CETN2: variants seen among roughly 807,000 people sequenced by gnomAD.
CETN2 encodes the protein centrin-2.
A neutral mutation model predicts 12.6 loss-of-function variants in CETN2; 2 were observed. That is an observed-to-expected ratio of 0.16 (90% CI 0.07 to 0.50). The LOEUF (loss-of-function observed/expected upper bound fraction) is 0.50, where lower values mean the gene tolerates loss of function less well. Among genes scored for constraint, CETN2 ranks in the 20% least tolerant of loss-of-function variants. CETN2 has a pLI of 0.96. For missense variants in CETN2, 81 were observed against 128.3 expected (o/e 0.63, Z 1.78); for synonymous variants, 41 against 43.4 (o/e 0.94, Z 0.22).
chrX:152,828,410 G>T, intron 4 of CETN2, 127 bp downstream of exon 4: 1 of 743,962 alleles, frequency 1.3e-6, no homozygotes, highest in Non-Finnish European at 2.0e-6. Flanking sequence ...GAATTAAGTT[G>T]TCTGCAGAGG....
In CETN2 at chrX:152,828,662, T is replaced by C; in HGVS notation, c.304A>G (p.Thr102Ala). 1 of 1,209,252 alleles carries C rather than the reference T, an allele frequency of 8.3e-7. No homozygotes were observed. The highest frequency in any genetic ancestry group is 2.2e-5 in the Admixed American group (1 of 45,775). ...AAAGCTTTCAGGATTTCTTCTTTAG[T>C]ATCTTTCTCAGACTTAACAAGTAGA... ...VMTQKMSEKD[T>A]KEEILKAFKL... Residue 102 changes from threonine to alanine, a missense_variant, in exon 4 of 5, where the codon ACT (threonine) becomes GCT (alanine). Physicochemically the swap from Thr to Ala is moderately conservative, Grantham distance 58 (BLOSUM62 0). Transcript: ENST00000370277.
rs377022452 is a variant in CETN2 at position 152,830,735 on chromosome X, G to A, written c.-25C>T. The A allele has an allele frequency of 1.7e-6, 2 of 1,165,478 alleles. No homozygotes were observed. Among genetic ancestry groups the A allele is most frequent in the African/African-American group, 1.8e-5 (1 of 56,069 alleles). On this transcript the variant is annotated 5_prime_UTR_variant, in exon 1 of 5. Transcript: ENST00000370277. ...TAGCCAAAGGAGTCCGCTGCCGGTT[G>A]TTAGGCAACCGACGTGTACACTGAC...
At position 152,829,720 on chromosome X, in the gene CETN2, T is replaced by G; in HGVS notation, c.44A>C (p.Gln15Pro). Residue 15 changes from glutamine (Q) to proline (P), a missense_variant, in exon 2 of 5, where the codon CAG (glutamine) becomes CCG (proline). Coordinates refer to ENST00000370277, the MANE Select transcript of CETN2 (RefSeq NM_004344.3). ...FKKANMASSS[Q>P]RKRMSPKPEL... is the part of the protein sequence containing the mutation. The stretch of plus-strand genomic sequence containing the variant: ...AGGCTTAGGGCTCATTCTTTTTCGC[T>G]GAGAACTTGATGCCATGTTTGCCTT... 1 of 1,205,039 alleles carries G rather than the reference T, an allele frequency of 8.3e-7. No homozygotes were observed. The highest frequency in any genetic ancestry group is 1.1e-6 in the Non-Finnish European group (1 of 890,863).
chrX:152,827,587 T>G lies in CETN2; in HGVS notation c.*254A>C. On this transcript the variant is annotated 3_prime_UTR_variant, in exon 5 of 5. Transcript: ENST00000370277. ...GGCAAAATGGCAGGTGCTCAAAGCT[T>G]TAAGATCCTTTTCTTCACGCTTGTG... The G allele has an allele frequency of 3.4e-6, 1 of 291,346 alleles. No individual in the cohort carries two copies. Among genetic ancestry groups the G allele is most frequent in the Non-Finnish European group, 6.1e-6 (1 of 164,223 alleles). 24.0% of individuals were successfully genotyped at this position (291,346 alleles called of 1,213,427 possible). A position where few individuals can be genotyped will look rare whatever the true frequency, so the allele number is the denominator to read the frequency against.
intron 2 of CETN2, 58 bp downstream of exon 2, chrX:152,829,544 T>C (rs1293687959): frequency 2.7e-6 from 3 of 1,123,190 alleles, no homozygotes; most frequent in Non-Finnish European, 3.6e-6. Context: ...GATAGGGAGA[T>C]GACAAGGAAG....
In CETN2 at chrX:152,827,934, T is replaced by A; in HGVS notation, c.430-4A>T. ...GATCAGCTTCATCAATCATTTCCTA[T>A]ATGACAGTAAAGATTCAGGTTAATT... On this transcript the variant is annotated splice_region_variant and splice_polypyrimidine_tract_variant and intron_variant, in intron 4 of 4. Transcript: ENST00000370277. 8.4e-7 allele frequency: 1 copy of A among 1,193,505 alleles called. No individual in the cohort carries two copies. The highest frequency in any genetic ancestry group is 1.1e-6 in the Non-Finnish European group (1 of 880,563).
At chrX:152,829,867 C>A in intron 1 of CETN2, 107 bp from the exon 2 acceptor site, 1 of 623,951 alleles carries the variant, frequency 1.6e-6, no homozygotes, top group Non-Finnish European at 2.3e-6. Context: ...TTTATATAAC[C>A]AATTCCAAAG....
chrX:152,829,272 T>C lies in CETN2; in HGVS notation c.168A>G (p.Ala56=), dbSNP rs1932979201. Residue 56 remains alanine (A), a synonymous_variant, in exon 3 of 5, where the codon GCA becomes GCG. Transcript: ENST00000370277. ...TGGGTTCAAAGCCCAGGGCCCTCAT[T>C]GCCACCTATAAAGAAAACAGGATCG... The part of the protein sequence containing the change: ...GTIDVKELKV[A]MRALGFEPKK... 8.4e-7 allele frequency: 1 copy of C among 1,183,736 alleles called. No individual in the cohort carries two copies. The highest frequency in any genetic ancestry group is 2.5e-5 in the Admixed American group (1 of 40,121).
intron 1 of CETN2, 150 bp from the exon 2 acceptor site, chrX:152,829,910 T>G: frequency 9.8e-6 from 4 of 410,231 alleles, no homozygotes; most frequent in Non-Finnish European, 1.5e-5. Context: ...CAGGGTTTAC[T>G]GGCAAGAACA....
rs1226618906 is a variant in CETN2, at chrX:152,827,288, A to G, written c.*553T>C. On this transcript the variant is annotated 3_prime_UTR_variant, in exon 5 of 5. Transcript: ENST00000370277. ...ACACAATAATTGAGAAGAGGAACTC[A>G]TAAGCAAAGCTAAAGAACTCATCCT... 4.4e-5 allele frequency: 5 copies of G among 113,151 alleles called. No individual in the cohort carries two copies. The highest frequency in any genetic ancestry group is 1.6e-4 in the African/African-American group (5 of 31,146). 9.3% of individuals were successfully genotyped at this position (113,151 alleles called of 1,213,427 possible). A position where few individuals can be genotyped will look rare whatever the true frequency, so the allele number is the denominator to read the frequency against.
At position 152,829,001 on chromosome X, in the gene CETN2, C is replaced by T. The variant is rs782617199; in HGVS notation, c.291+148G>A. 324 of 658,356 alleles carry T rather than the reference C, an allele frequency of 4.9e-4. 1 individual carries two copies. The highest frequency in any genetic ancestry group is 7.1e-4 in the Non-Finnish European group (309 of 433,407). The allele number at this position is 658,356 out of a possible 1,213,427, so 54.3% of individuals were successfully genotyped here. On this transcript the variant is annotated intron_variant, in intron 3 of 4. Transcript: ENST00000370277. ...AAGCACAAGGGCTTGTTTTGGGAGC[C>T]CAAAGTAACATGATGGGAGGGCAGG...
chrX:152,830,312 T>TA (rs1464065768), intron 1 of CETN2, among the ~76,000 whole-genome samples: 1 of 113,669 alleles, frequency 8.8e-6, no homozygotes, highest in Non-Finnish European at 1.9e-5. Context: ...ATTTAAATTG[T>TA]AAAAAACATT....
At chrX:152,829,305 A>G in intron 2 of CETN2, 28 bp from the exon 3 acceptor site, 1 of 1,162,364 alleles carries the variant, frequency 8.6e-7, no homozygotes, top group Non-Finnish European at 1.1e-6. Context: ...TCGTCTCAAT[A>G]AGCACATCTA....
rs150501066 is a variant in CETN2 at position 152,827,458 on chromosome X, G to A, written c.*383C>T. On this transcript the variant is annotated 3_prime_UTR_variant, in exon 5 of 5. Coordinates refer to ENST00000370277, the MANE Select transcript of CETN2 (RefSeq NM_004344.3). ...CAAGTGTCAAATAAAAACTGGAGCC[G>A]TCAAGAATGACTGCTTGTGGCAACA... 510 of 132,870 alleles carry A rather than the reference G, an allele frequency of 3.8e-3. 4 individuals are homozygous for A. The highest frequency in any genetic ancestry group is 0.015 in the African/African-American group (484 of 31,992). The allele number at this position is 132,870 out of a possible 1,213,427, so 10.9% of individuals were successfully genotyped here. A position where few individuals can be genotyped will look rare whatever the true frequency, so the allele number is the denominator to read the frequency against.
chrX:152,830,751 G>A lies in CETN2; in HGVS notation c.-41C>T. On this transcript the variant is annotated 5_prime_UTR_variant, in exon 1 of 5. Coordinates refer to ENST00000370277, the MANE Select transcript of CETN2 (RefSeq NM_004344.3). ...CTGCCGGTTGTTAGGCAACCGACGT[G>A]TACACTGACTCGGCGCCGTTCCCAC... is the stretch of plus-strand genomic sequence containing the variant. The A allele has an allele frequency of 2.6e-6, 3 of 1,149,044 alleles. No homozygotes were observed. Among genetic ancestry groups the A allele is most frequent in the African/African-American group, 1.8e-5 (1 of 55,638 alleles). The allele number at this position is 1,149,044 out of a possible 1,213,427, so 94.7% of individuals were successfully genotyped here.
Position 152,827,035 on chromosome X carries a change from C to T in CETN2, c.*806G>A, listed in dbSNP as rs1299040223. The T allele has an allele frequency of 1.8e-5, 2 of 112,070 alleles. No individual in the cohort carries two copies. The highest frequency in any genetic ancestry group is 6.5e-5 in the African/African-American group (2 of 30,760). 9.2% of individuals were successfully genotyped at this position (112,070 alleles called of 1,213,427 possible). A position where few individuals can be genotyped will look rare whatever the true frequency, so the allele number is the denominator to read the frequency against. The stretch of plus-strand genomic sequence containing the variant: ...TAGTGTTGCGTTAGCCTGGCTCTCC[C>T]CATTTTATTCAAGCACAAATTACTA... On this transcript the variant is annotated 3_prime_UTR_variant, in exon 5 of 5. Coordinates refer to ENST00000370277, the MANE Select transcript of CETN2 (RefSeq NM_004344.3).
chrX:152,828,842 C>T, intron 3 of CETN2, 168 bp from the exon 4 acceptor site: 1 of 504,159 alleles, frequency 2.0e-6, no homozygotes, highest in Non-Finnish European at 3.2e-6. Flanking sequence ...CTCAAAGAAA[C>T]ACCAGGCAAG....
In CETN2 at chrX:152,830,422, G is replaced by A. The variant is rs111591683; in HGVS notation, c.3+286C>T. Among the ~76,000 whole-genome samples the A allele has an allele frequency of 1.7e-3, 187 of 113,329 alleles. 1 individual carries two copies. Among genetic ancestry groups the A allele is most frequent in the Non-Finnish European group, 2.4e-3 (130 of 53,389 alleles). On this transcript the variant is annotated intron_variant, in intron 1 of 4. Coordinates refer to ENST00000370277, the MANE Select transcript of CETN2 (RefSeq NM_004344.3). ...GTCTGAGAGAGTCAGGGGCCTGTGA[G>A]GGATTCGAGTCTTTTTTGCCCAGGG...
rs1556842964 is a variant in CETN2, at chrX:152,828,691, T to C, written c.292-17A>G. 2 of 1,200,155 alleles carry C rather than the reference T, an allele frequency of 1.7e-6. No homozygotes were observed. The highest frequency in any genetic ancestry group is 1.8e-5 in the South Asian group (1 of 55,334). ...TTTCTCAGACTTAACAAGTAGAACA[T>C]AAAACACATGAGTAGGGGGACACCA... On this transcript the variant is annotated splice_polypyrimidine_tract_variant and intron_variant, in intron 3 of 4. Coordinates refer to ENST00000370277, the MANE Select transcript of CETN2 (RefSeq NM_004344.3).
Sources: allele counts gnomAD v4.1 joint callset (sites outside exome capture counted in the v4.1 genomes callset), GRCh38; gene constraint gnomAD v4.1.1; transcripts MANE v1.5; gene names NCBI Gene and HGNC (gene_info 2026-07-23, HGNC 2026-07-21).